Variants in GEMIN8 observed in about 807,000 individuals in gnomAD.
The protein encoded by GEMIN8 is gem nuclear organelle associated protein 8, also known as gem-associated protein 8.
For synonymous variants in GEMIN8, 80 were observed against 78.5 expected (o/e 1.02, Z -0.10); for missense variants, 185 against 205.9 (o/e 0.90, Z 0.62).
In GEMIN8 at chrX:14,019,592, G is replaced by A. The variant is rs143626118; in HGVS notation, c.472+486C>T. Among the ~76,000 whole-genome samples the A allele has an allele frequency of 7.3e-3, 815 of 111,946 alleles. 10 individuals carry two copies. The East Asian group carries it at 0.094, about 13-fold the overall frequency. On this transcript the variant is annotated intron_variant, in intron 4 of 4. Transcript: ENST00000680255. ...ATTTTAGGAACCTAGCAGTCTCAGG[G>A]ACAAGTCCTAGTATACAGAAAGCAG...
chrX:14,022,703 C>A (rs2147139047), intron 2 of GEMIN8, among the ~76,000 whole-genome samples: 1 of 111,723 alleles, frequency 9.0e-6, no homozygotes, highest in East Asian at 2.8e-4. Context: ...TTCTGTGAGA[C>A]AAAACCACTA....
downstream of GEMIN8, among the ~76,000 whole-genome samples, chrX:14,006,046 T>C (rs1446052325): frequency 9.3e-6 from 1 of 107,646 alleles, no homozygotes; most frequent in African/African-American, 3.4e-5. Flanking sequence ...AGGGACACTT[T>C]TTTTTTTTTT....
chrX:13,996,933 C>CTTTT, the GEMIN8 span, among the ~76,000 whole-genome samples: 31 of 66,881 alleles, frequency 4.6e-4, no homozygotes, highest in African/African-American at 1.1e-3. Context: ...TGTGGCTTGT[C>CTTTT]TTTTTTTTTT....
chrX:13,993,677 A>T, the GEMIN8 span, among the ~76,000 whole-genome samples: 1 of 110,707 alleles, frequency 9.0e-6, no homozygotes, highest in African/African-American at 3.3e-5. Flanking sequence ...TCCCACTTCA[A>T]GCCTCTCAAA....
At chrX:14,014,127 T>A (rs1016271459) in intron 4 of GEMIN8, 1 of 751,937 alleles carries the variant, frequency 1.3e-6, no homozygotes, top group Non-Finnish European at 1.6e-6. Flanking sequence ...AGGCAGAACA[T>A]GTTAGAGGAT....
the GEMIN8 span, among the ~76,000 whole-genome samples, chrX:13,989,194 T>C: frequency 1.8e-5 from 2 of 111,143 alleles, no homozygotes; most frequent in South Asian, 7.7e-4. Context: ...GTTAAATGGA[T>C]GCTCCCGCCT....
At chrX:13,997,644 C>T in the GEMIN8 span, among the ~76,000 whole-genome samples, 4 of 112,197 alleles carry the variant, frequency 3.6e-5, no homozygotes, top group African/African-American at 9.7e-5. Flanking sequence ...CCTGTAATCC[C>T]AGCACTTTGG....
chrX:14,001,327 C>T, the GEMIN8 span, among the ~76,000 whole-genome samples: 1 of 111,963 alleles, frequency 8.9e-6, no homozygotes, highest in African/African-American at 3.2e-5. Context: ...AACAAAAAAC[C>T]CATAACCATA....
rs2147133471 is a variant in GEMIN8, at chrX:14,020,229, C to T, written c.321G>A (p.Gln107=). 8.3e-7 allele frequency: 1 copy of T among 1,208,960 alleles called. No individual in the cohort carries two copies. The highest frequency in any genetic ancestry group is 1.1e-6 in the Non-Finnish European group (1 of 894,377). The change falls in exon 4 of 5, where the codon CAG becomes CAA. Residue 107 remains glutamine, a synonymous_variant. Transcript: ENST00000680255. ...AAGCTTGGTCTTCTTTTGTGGATGC[C>T]TGGATCCTACTGCTGTAACGTGGAT... ...GQHPRYSSRI[Q]ASTKEDQALS...
At chrX:14,028,507 T>C (rs1220355581) in intron 1 of GEMIN8, among the ~76,000 whole-genome samples, 2 of 112,227 alleles carry the variant, frequency 1.8e-5, no homozygotes, top group South Asian at 3.7e-4. Flanking sequence ...TTTCCTCTTG[T>C]AGAGAAGTTG....
At chrX:13,990,100 ATTAAG>A in the GEMIN8 span, among the ~76,000 whole-genome samples, 11 of 112,792 alleles carry the variant, frequency 9.8e-5, no homozygotes, top group East Asian at 3.1e-3. Context: ...ATTCATTTTA[ATTAAG>A]TTAAATTTAA....
At chrX:14,026,911 A>T (rs1425239924) in intron 1 of GEMIN8, 1 of 112,545 alleles carries the variant, frequency 8.9e-6, no homozygotes, top group Non-Finnish European at 1.9e-5. Flanking sequence ...CTCTGGCTAA[A>T]GCCCTGAAAG....
the GEMIN8 span, among the ~76,000 whole-genome samples, chrX:13,985,255 A>G: frequency 1.8e-5 from 2 of 112,111 alleles, no homozygotes; most frequent in African/African-American, 6.5e-5. Flanking sequence ...AAAGAAGCTT[A>G]TGGGGTAAGC....
chrX:14,014,579 A>G, intron 4 of GEMIN8: 8 of 705,830 alleles, frequency 1.1e-5, no homozygotes, highest in East Asian at 1.5e-4. Flanking sequence ...ATTGTGCTCA[A>G]TCACTGCAAT....
chrX:13,996,931 G>A, the GEMIN8 span, among the ~76,000 whole-genome samples: 3 of 81,501 alleles, frequency 3.7e-5, no homozygotes. Flanking sequence ...GCTGTGGCTT[G>A]TCTTTTTTTT....
chrX:14,012,101 T>A lies in GEMIN8; in HGVS notation c.473-2932A>T, dbSNP rs757811572. 1.3e-3 allele frequency among the ~76,000 whole-genome samples: 145 copies of A among 110,290 alleles called. 1 individual carries two copies. Among genetic ancestry groups the A allele is most frequent in the African/African-American group, 4.6e-3 (141 of 30,362 alleles). On this transcript the variant is annotated intron_variant, in intron 4 of 4. Transcript: ENST00000680255. ...GCCCTCTGCTTTTGATTCTTATTTG[T>A]TTTTCATTCCCATTCAGGCTTCCTC...
chrX:13,995,938 A>C, the GEMIN8 span, among the ~76,000 whole-genome samples: 39 of 111,974 alleles, frequency 3.5e-4, 1 homozygote, highest in East Asian at 8.2e-3. Flanking sequence ...GGACCCACGT[A>C]GGTCAACATC....
intron 4 of GEMIN8, among the ~76,000 whole-genome samples, chrX:14,012,509 C>G (rs1005058725): frequency 1.8e-5 from 2 of 110,986 alleles, no homozygotes; most frequent in Non-Finnish European, 3.8e-5. Flanking sequence ...GCATAGTGAA[C>G]AGTGGCCCTA....
At chrX:14,022,662 A>G (rs1924449522) in intron 2 of GEMIN8, among the ~76,000 whole-genome samples, 1 of 112,203 alleles carries the variant, frequency 8.9e-6, no homozygotes, top group Non-Finnish European at 1.9e-5. Context: ...AAGTTAAACA[A>G]AAATATCCAA....
Sources: gnomAD v4.1 joint callset for allele counts (sites outside exome capture counted in the v4.1 genomes callset) on GRCh38, gnomAD v4.1.1 for gene constraint, MANE v1.5 for transcripts, NCBI Gene and HGNC (gene_info 2026-07-23, HGNC 2026-07-21) for gene names.